Variants in MAP4 observed in about 807,000 individuals in gnomAD.
The protein encoded by MAP4 is microtubule-associated protein 4.
In MAP4, 76 loss-of-function variants were observed where a neutral mutation model predicts 170.2. The ratio of observed to expected loss-of-function variants is 0.45; its 90% CI spans 0.37 to 0.54. The LOEUF (loss-of-function observed/expected upper bound fraction) is 0.54, where lower values mean the gene tolerates loss of function less well. MAP4 is among the 20% of genes least tolerant of loss of function. The pLI, the probability that MAP4 is intolerant of heterozygous loss-of-function variation, is 0.00. For synonymous variants in MAP4, 909 were observed against 994.5 expected, an observed-to-expected ratio of 0.91 and a Z score of 1.62; for missense variants, 2,506 against 2,748.0, an observed-to-expected ratio of 0.91 and a Z score of 1.97.
chr3:47,882,303 T>C (rs1026472768), intron 10 of MAP4, among the ~76,000 whole-genome samples: 3 of 152,098 alleles, frequency 2.0e-5, no homozygotes, highest in Non-Finnish European at 4.4e-5. Flanking sequence ...ATAAATGAAA[T>C]AAAGTAAAAT....
intron 1 of MAP4, among the ~76,000 whole-genome samples, chr3:48,054,915 A>G (rs879941051): frequency 2.0e-5 from 3 of 152,168 alleles, no homozygotes; most frequent in African/African-American, 7.2e-5. Flanking sequence ...ACAATAACCA[A>G]TCTACCCCAG....
At chr3:47,975,341 T>C in intron 3 of MAP4, 1 of 1,545,282 alleles carries the variant, frequency 6.5e-7, no homozygotes, top group East Asian at 2.5e-5. Context: ...TTCTTCTACA[T>C]CATGTCCAGG....
intron 10 of MAP4, among the ~76,000 whole-genome samples, chr3:47,900,747 C>CAACAACAACAACAACTCT (rs1414878684): frequency 2.0e-5 from 3 of 152,012 alleles, no homozygotes; most frequent in Non-Finnish European, 4.4e-5. Context: ...ACAACAACAA[C>CAACAACAACAACAACTCT]AACAACAACA....
At chr3:48,005,203 T>C (rs977824971) in intron 1 of MAP4, among the ~76,000 whole-genome samples, 2 of 151,894 alleles carry the variant, frequency 1.3e-5, no homozygotes, top group Non-Finnish European at 2.9e-5. Flanking sequence ...CTACTAAAAA[T>C]ACAAAAAATT....
At chr3:47,990,810 A>G (rs982394081) in intron 2 of MAP4, among the ~76,000 whole-genome samples, 1 of 147,310 alleles carries the variant, frequency 6.8e-6, no homozygotes, top group Non-Finnish European at 1.5e-5. Context: ...TTTTTTAAGG[A>G]AAAAAGTCAG....
intron 2 of MAP4, among the ~76,000 whole-genome samples, chr3:47,981,509 C>A (rs2100085406): frequency 6.6e-6 from 1 of 152,090 alleles, no homozygotes; most frequent in African/African-American, 2.4e-5. Context: ...GTGGCTCAAG[C>A]CTATAATCCC....
intron 1 of MAP4, among the ~76,000 whole-genome samples, chr3:48,015,361 T>G (rs1469377218): frequency 1.3e-5 from 2 of 152,166 alleles, no homozygotes; most frequent in Admixed American, 6.5e-5. Flanking sequence ...TACGTTTGTT[T>G]TTGCATGACA....
chr3:47,927,745 G>C (rs968662299), intron 4 of MAP4, among the ~76,000 whole-genome samples: 1 of 152,168 alleles, frequency 6.6e-6, no homozygotes, highest in South Asian at 2.1e-4. Flanking sequence ...AAAGTGCTGG[G>C]ATTACAGGCA....
rs578077233 is a variant in MAP4 at position 47,877,535 on chromosome 3, G to C, written c.5435-12C>G. 1.3e-6 allele frequency: 2 copies of C among 1,572,906 alleles called. No individual in the cohort carries two copies. Among genetic ancestry groups the C allele is most frequent in the Admixed American group, 3.4e-5 (2 of 58,124 alleles). On this transcript the variant is annotated splice_polypyrimidine_tract_variant and intron_variant, in intron 10 of 20. Coordinates refer to ENST00000683076, the MANE Select transcript of MAP4 (RefSeq NM_001385682.1). ...TGGCCTGGCTATTCCTAAGGGGAGA[G>C]GGTGAGTGGGAATTATGCTAAGCAA... is the stretch of plus-strand genomic sequence containing the variant.
intron 1 of MAP4, among the ~76,000 whole-genome samples, chr3:48,073,437 C>A (rs1165298041): frequency 6.6e-6 from 1 of 151,512 alleles, no homozygotes; most frequent in Non-Finnish European, 1.5e-5. Flanking sequence ...GATGGAGAAA[C>A]CCCGACTCTA....
chr3:47,886,176 G>A (rs989878012), intron 10 of MAP4, among the ~76,000 whole-genome samples: 23 of 152,198 alleles, frequency 1.5e-4, no homozygotes, highest in Non-Finnish European at 3.4e-4. Flanking sequence ...TATGATACAG[G>A]CATGCAGTAA....
At chr3:47,881,929 A>T (rs2096836114) in intron 10 of MAP4, among the ~76,000 whole-genome samples, 1 of 151,732 alleles carries the variant, frequency 6.6e-6, no homozygotes, top group African/African-American at 2.4e-5. Flanking sequence ...AAAATAATAT[A>T]CTCTTCCAAT....
At chr3:48,083,852 G>A (rs1000690589) in intron 1 of MAP4, among the ~76,000 whole-genome samples, 7 of 150,654 alleles carry the variant, frequency 4.6e-5, no homozygotes, top group African/African-American at 1.2e-4. Context: ...TCAGCCTCGC[G>A]AGTAGCTGGG....
At chr3:48,011,457 G>A (rs2100105178) in intron 1 of MAP4, among the ~76,000 whole-genome samples, 1 of 151,926 alleles carries the variant, frequency 6.6e-6, no homozygotes, top group South Asian at 2.1e-4. Flanking sequence ...GGAGGCTGAG[G>A]CAGGAAAATT....
chr3:47,882,248 C>A (rs1207958721), intron 10 of MAP4, among the ~76,000 whole-genome samples: 1 of 152,092 alleles, frequency 6.6e-6, no homozygotes, highest in Non-Finnish European at 1.5e-5. Flanking sequence ...CACTGCACTC[C>A]AGCCTGGGTG....
chr3:47,951,866 A>G (rs1051936631), intron 3 of MAP4, among the ~76,000 whole-genome samples: 2 of 149,736 alleles, frequency 1.3e-5, no homozygotes, highest in Admixed American at 6.7e-5. Context: ...GAAAGTGAGG[A>G]GCGTCTCTGC....
intron 17 of MAP4, among the ~76,000 whole-genome samples, chr3:47,860,191 A>G (rs562792025): frequency 1.3e-5 from 2 of 152,314 alleles, no homozygotes; most frequent in Admixed American, 1.3e-4. Context: ...GCCCTCACCA[A>G]GATGTAGAGC....
In MAP4 at chr3:47,912,020, G is replaced by A; in HGVS notation, c.2401C>T (p.Pro801Ser). ...DDNADKPKGH[P>S]FAADTQKSGV... Reference sequence around the variant, plus strand: ...GATTTTTGTGTGTCAGCTGCAAATGGATGACCTTTAGGCTTATCTGCATTG... The same window carrying A: ...GATTTTTGTGTGTCAGCTGCAAATGAATGACCTTTAGGCTTATCTGCATTG... The change falls in exon 9 of 21, where the codon CCA becomes TCA. Residue 801 changes from proline (P) to serine (S), a missense_variant. Transcript: ENST00000683076. 6.5e-7 allele frequency: 1 copy of A among 1,536,106 alleles called. No individual in the cohort carries two copies. The highest frequency in any genetic ancestry group is 8.7e-7 in the Non-Finnish European group (1 of 1,146,908).
rs550887009 is a variant in MAP4, at chr3:48,007,800, G to A, written c.-20+8534C>T. ...CGATTCTCCTGCCTCAGCCTCCCAA[G>A]TAGCTGGGAATACAGGTGCGTGCCA... On this transcript the variant is annotated intron_variant, in intron 1 of 20. Coordinates refer to ENST00000683076, the MANE Select transcript of MAP4 (RefSeq NM_001385682.1). Among the ~76,000 whole-genome samples, 14 of 151,854 alleles carry A rather than the reference G, an allele frequency of 9.2e-5. No homozygotes were observed. In the South Asian group the frequency reaches 2.7e-3, roughly 29 times the overall value.
Sources: allele counts gnomAD v4.1 joint callset (sites outside exome capture counted in the v4.1 genomes callset), GRCh38; gene constraint gnomAD v4.1.1; transcripts MANE v1.5; gene names NCBI Gene and HGNC (gene_info 2026-07-23, HGNC 2026-07-21).